AGMO: variants seen among roughly 807,000 people sequenced by gnomAD.
AGMO encodes alkylglycerol monooxygenase.
AGMO carries 75 observed loss-of-function variants against 60.2 expected under a neutral mutation model. That is an observed-to-expected ratio of 1.25 (90% CI 1.03 to 1.51). The LOEUF is 1.51. AGMO is among the 40% of genes most tolerant of loss of function. AGMO has a pLI of 0.00. For synonymous variants in AGMO, 261 were observed against 177.1 expected (o/e 1.47, Z -3.76); for missense variants, 763 against 525.5 (o/e 1.45, Z -4.42).
the AGMO span, among the ~76,000 whole-genome samples, chr7:15,161,355 C>T: frequency 6.6e-6 from 1 of 152,028 alleles, no homozygotes; most frequent in Admixed American, 6.6e-5. Context: ...GGCCTTTAGA[C>T]TCAAGCTGCA....
chr7:15,293,703 G>A (rs572511076), intron 12 of AGMO, among the ~76,000 whole-genome samples: 1 of 152,158 alleles, frequency 6.6e-6, no homozygotes, highest in South Asian at 2.1e-4. Context: ...TGTAAACTAC[G>A]CCTAATTCTT....
At chr7:15,382,948 A>G (rs932573801) in intron 10 of AGMO, among the ~76,000 whole-genome samples, 2 of 151,650 alleles carry the variant, frequency 1.3e-5, no homozygotes, top group African/African-American at 4.8e-5. Context: ...AACATTTGTT[A>G]TTTTTGCCTA....
intron 3 of AGMO, among the ~76,000 whole-genome samples, chr7:15,511,398 T>C (rs1783670902): frequency 6.6e-6 from 1 of 152,100 alleles, no homozygotes; most frequent in Non-Finnish European, 1.5e-5. Flanking sequence ...ATCAACATTA[T>C]AACAAAATGA....
chr7:15,415,683 G>A (rs1780746381), intron 5 of AGMO, among the ~76,000 whole-genome samples: 3 of 152,000 alleles, frequency 2.0e-5, no homozygotes, highest in Admixed American at 2.0e-4. Flanking sequence ...TAAAACAAAG[G>A]TAATAGTGTA....
Position 15,460,106 on chromosome 7 carries a change from C to CTTTTTTTTTTTTTTTTTTTTTT in AGMO, c.410-28999_410-28998insAAAAAAAAAAAAAAAAAAAAAA, listed in dbSNP as rs67388173. 4.1e-5 allele frequency among the ~76,000 whole-genome samples: 5 copies of CTTTTTTTTTTTTTTTTTTTTTT among 121,702 alleles called. 1 individual carries two copies. The highest frequency in any genetic ancestry group is 8.6e-5 in the Non-Finnish European group (5 of 58,294). The allele number at this position is 121,702 out of a possible 152,430, so 79.8% of individuals were successfully genotyped here. On this transcript the variant is annotated intron_variant, in intron 3 of 12. Transcript: ENST00000342526. ...AAAGTAATTATTTACCCAATTTCCCCTTTTTTTTTTGTTTTTTTGAGAAGG... is the reference window on the plus strand; with the variant it reads ...AAAGTAATTATTTACCCAATTTCCCCTTTTTTTTTTTTTTTTTTTTTTTTTTTTTTTTGTTTTTTTGAGAAGG...
chr7:15,213,911 G>C (rs1781664632), intron 12 of AGMO, among the ~76,000 whole-genome samples: 1 of 152,002 alleles, frequency 6.6e-6, no homozygotes, highest in African/African-American at 2.4e-5. Context: ...AAATGATGGA[G>C]TGCTTCAAGG....
rs771391281 is a variant in AGMO at position 15,385,508 on chromosome 7, A to G, written c.1012T>C (p.Tyr338His). The G allele has an allele frequency of 8.8e-5, 142 of 1,613,380 alleles. No homozygotes were observed. The highest frequency in any genetic ancestry group is 1.1e-4 in the Non-Finnish European group (127 of 1,179,634). The change falls in exon 10 of 13, where the codon TAT becomes CAT. Residue 338 changes from tyrosine (Y) to histidine (H), a missense_variant. By Grantham distance (83) the Tyr-to-His change is moderately conservative. Transcript: ENST00000342526. ...ATCAGAGCAAACTGTACAACTGTAT[A>G]TATCTTTAATAGCTGAGATGAAGAT... ...SSSSSQLLKI[Y>H]TVVQFALMLA...
chr7:15,322,722 AAAT>A (rs1781205191), intron 12 of AGMO, among the ~76,000 whole-genome samples: 4 of 40,336 alleles, frequency 9.9e-5, no homozygotes, highest in Non-Finnish European at 1.6e-4. Context: ...ATAAATATAT[AAAT>A]ATATATATAA....
At chr7:15,348,357 T>C (rs1159364895) in intron 12 of AGMO, among the ~76,000 whole-genome samples, 1 of 151,906 alleles carries the variant, frequency 6.6e-6, no homozygotes, top group African/African-American at 2.4e-5. Flanking sequence ...GCAAGTGAAA[T>C]TGCATTGAAT....
chr7:15,181,845 A>C, the AGMO span, among the ~76,000 whole-genome samples: 1 of 152,148 alleles, frequency 6.6e-6, no homozygotes, highest in African/African-American at 2.4e-5. Flanking sequence ...GGGATTTCCA[A>C]AGGTTTTTAA....
At chr7:15,531,916 G>C (rs1277701221) in intron 3 of AGMO, among the ~76,000 whole-genome samples, 1 of 151,818 alleles carries the variant, frequency 6.6e-6, no homozygotes, top group Non-Finnish European at 1.5e-5. Context: ...TGATCTGCCT[G>C]CCTTGGCCTC....
chr7:15,135,237 A>G, the AGMO span, among the ~76,000 whole-genome samples: 9 of 151,642 alleles, frequency 5.9e-5, no homozygotes, highest in Admixed American at 5.9e-4. Flanking sequence ...TTTTCTACCA[A>G]TCTGATAGCT....
chr7:15,545,473 T>C (rs189909023), intron 2 of AGMO, among the ~76,000 whole-genome samples: 63 of 152,054 alleles, frequency 4.1e-4, no homozygotes, highest in African/African-American at 1.4e-3. Context: ...TTCCTTTTTA[T>C]TTTCTCTTTC....
chr7:15,350,506 A>T (rs945634725), intron 12 of AGMO, among the ~76,000 whole-genome samples: 3 of 152,132 alleles, frequency 2.0e-5, no homozygotes, highest in African/African-American at 7.2e-5. Flanking sequence ...CTTTTCTCTT[A>T]TATTTAGAGA....
chr7:15,149,112 G>T, the AGMO span, among the ~76,000 whole-genome samples: 1 of 152,046 alleles, frequency 6.6e-6, no homozygotes, highest in Non-Finnish European at 1.5e-5. Flanking sequence ...CCATGTATAT[G>T]TCTTTTTTTG....
chr7:15,266,257 T>C (rs1239582151), intron 12 of AGMO, among the ~76,000 whole-genome samples: 8 of 152,028 alleles, frequency 5.3e-5, no homozygotes, highest in Non-Finnish European at 1.0e-4. Flanking sequence ...TTAATCCACT[T>C]TTAGTTTTGC....
At position 15,390,414 on chromosome 7, in the gene AGMO, A is replaced by G. The variant is rs557804954; in HGVS notation, c.822+257T>C. 1.0e-3 allele frequency among the ~76,000 whole-genome samples: 159 copies of G among 152,310 alleles called. 1 individual carries two copies. Among genetic ancestry groups the G allele is most frequent in the Non-Finnish European group, 1.5e-3 (104 of 68,034 alleles). Reference sequence around the variant, plus strand: ...TATTTCAGGTCCATTCTGAGAAAGGATATGTTTAGAAGCCACTTTATTTTT... The same window carrying G: ...TATTTCAGGTCCATTCTGAGAAAGGGTATGTTTAGAAGCCACTTTATTTTT... On this transcript the variant is annotated intron_variant, in intron 8 of 12. Coordinates refer to ENST00000342526, the MANE Select transcript of AGMO (RefSeq NM_001004320.2).
chr7:15,376,115 C>T (rs1489357790), intron 10 of AGMO, among the ~76,000 whole-genome samples: 4 of 151,946 alleles, frequency 2.6e-5, no homozygotes, highest in African/African-American at 4.8e-5. Context: ...AATAGTCTTC[C>T]GTTACTACAA....
chr7:15,519,874 G>C lies in AGMO; in HGVS notation c.409+24898C>G, dbSNP rs913316542. Among the ~76,000 whole-genome samples the C allele has an allele frequency of 4.0e-5, 6 of 151,488 alleles. No individual in the cohort carries two copies. In the South Asian group the frequency reaches 8.3e-4, roughly 21 times the overall value. On this transcript the variant is annotated intron_variant, in intron 3 of 12. Coordinates refer to ENST00000342526, the MANE Select transcript of AGMO (RefSeq NM_001004320.2). ...GACACAGACTGGCAAATTGGAGAAA[G>C]AGTCAAGGCCCATTGGTGTGCTGTA...
Sources: gnomAD v4.1 joint callset for allele counts (sites outside exome capture counted in the v4.1 genomes callset) on GRCh38, gnomAD v4.1.1 for gene constraint, MANE v1.5 for transcripts, NCBI Gene and HGNC (gene_info 2026-07-23, HGNC 2026-07-21) for gene names.